PCDHGB2: variants seen among roughly 807,000 people sequenced by gnomAD.
PCDHGB2 encodes protocadherin gamma subfamily B, 2.
A neutral mutation model predicts 59.3 loss-of-function variants in PCDHGB2; 55 were observed. The ratio of observed to expected loss-of-function variants is 0.93; its 90% CI spans 0.75 to 1.16. The LOEUF (loss-of-function observed/expected upper bound fraction) is 1.16. Among genes scored for constraint, PCDHGB2 ranks in the 50% most tolerant of loss-of-function variants. PCDHGB2 has a pLI of 0.00. For synonymous variants in PCDHGB2, 516 were observed against 512.0 expected, an observed-to-expected ratio of 1.01 and a Z score of -0.11; for missense variants, 1,228 against 1,198.5, an observed-to-expected ratio of 1.02 and a Z score of -0.36.
intron 1 of PCDHGB2, among the ~76,000 whole-genome samples, chr5:141,452,713 T>TGAGG (rs2098747318): frequency 6.7e-6 from 1 of 148,530 alleles, no homozygotes; most frequent in Non-Finnish European, 1.5e-5. Flanking sequence ...AAGGAAGGAA[T>TGAGG]GAGGGAGGGA....
intron 1 of PCDHGB2, chr5:141,389,665 C>A (rs1258802999): frequency 6.2e-7 from 1 of 1,612,414 alleles, no homozygotes; most frequent in East Asian, 2.2e-5. Context: ...GCGGTGGACG[C>A]AGACTCAGGA....
At chr5:141,499,880 G>A (rs1177287013) in intron 2 of PCDHGB2, among the ~76,000 whole-genome samples, 1 of 151,886 alleles carries the variant, frequency 6.6e-6, no homozygotes, top group African/African-American at 2.4e-5. Flanking sequence ...TACAAACAGG[G>A]TTTCGCCATG....
chr5:141,409,844 C>G (rs1380163040), intron 1 of PCDHGB2: 3 of 1,611,858 alleles, frequency 1.9e-6, no homozygotes, highest in East Asian at 4.5e-5. Flanking sequence ...CAACGTGAGC[C>G]TGCGCGTGTT....
chr5:141,387,735 T>C lies in PCDHGB2; in HGVS notation c.2421+25179T>C, dbSNP rs966437790. The C allele has an allele frequency of 1.2e-5, 16 of 1,308,452 alleles. No individual in the cohort carries two copies. In the East Asian group the frequency reaches 1.3e-4, roughly 10 times the overall value. 81.1% of individuals were successfully genotyped at this position (1,308,452 alleles called of 1,614,324 possible). ...GCTCAGACTCCCCAGCGCCAGCCTTTACACCGCTTCCTCCTCGGAAAAAGA... is the reference window on the plus strand; with the variant it reads ...GCTCAGACTCCCCAGCGCCAGCCTTCACACCGCTTCCTCCTCGGAAAAAGA... On this transcript the variant is annotated intron_variant, in intron 1 of 3. Transcript: ENST00000522605.
At chr5:141,408,967 G>GC in intron 1 of PCDHGB2, 2 of 1,613,782 alleles carry the variant, frequency 1.2e-6, no homozygotes, top group Non-Finnish European at 1.7e-6. Context: ...GTGAAAATCT[G>GC]CCCCCTGGGT....
intron 1 of PCDHGB2, chr5:141,398,251 C>G (rs753114593): frequency 6.8e-7 from 1 of 1,464,006 alleles, no homozygotes; most frequent in East Asian, 2.5e-5. Flanking sequence ...CGAGGAAATG[C>G]CCAAGGGCTC....
chr5:141,497,693 C>T (rs2099778709), intron 2 of PCDHGB2, among the ~76,000 whole-genome samples: 2 of 152,136 alleles, frequency 1.3e-5, no homozygotes, highest in Admixed American at 6.5e-5. Context: ...GTGTGCACCA[C>T]CACACCCAGC....
chr5:141,419,419 C>A (rs767018815), intron 1 of PCDHGB2: 1 of 1,613,384 alleles, frequency 6.2e-7, no homozygotes. Context: ...AGCGCGCCTT[C>A]GACCACGAGC....
At chr5:141,370,775 C>T (rs1767193256) in intron 1 of PCDHGB2, 2 of 1,613,848 alleles carry the variant, frequency 1.2e-6, no homozygotes, top group South Asian at 1.1e-5. Flanking sequence ...AGGATATTAA[C>T]GACAACCCAC....
chr5:141,370,997 C>T, intron 1 of PCDHGB2: 5 of 1,613,984 alleles, frequency 3.1e-6, no homozygotes, highest in Non-Finnish European at 4.2e-6. Context: ...CACCCCTGGA[C>T]AGGGAAGAGC....
At position 141,511,124 on chromosome 5, in the gene PCDHGB2, C is replaced by A. The variant is rs752246201; in HGVS notation, c.2747C>A (p.Ala916Glu). The A allele has an allele frequency of 6.2e-7, 1 of 1,614,206 alleles. No homozygotes were observed. The highest frequency in any genetic ancestry group is 8.5e-7 in the Non-Finnish European group (1 of 1,180,022). ...AAGKRDGKAP[A>E]GGNGNKKKSG... The stretch of plus-strand genomic sequence containing the variant: ...GGCAAGCGGGATGGCAAGGCCCCAG[C>A]AGGTGGCAATGGCAACAAGAAGAAG... Residue 916 changes from alanine (A) to glutamate (E), a missense_variant, in exon 4 of 4, where the codon GCA becomes GAA. Coordinates refer to ENST00000522605, the MANE Select transcript of PCDHGB2 (RefSeq NM_018923.3).
rs1283688342 is a variant in PCDHGB2, at chr5:141,437,688, T to G, written c.2422-57119T>G. On this transcript the variant is annotated intron_variant, in intron 1 of 3. Transcript: ENST00000522605. ...GAGATGTTGATCAAACTGATGAGGCTAAATCTCAAGAAAGAGACACAGTTA... is the reference window on the plus strand; with the variant it reads ...GAGATGTTGATCAAACTGATGAGGCGAAATCTCAAGAAAGAGACACAGTTA... Among the ~76,000 whole-genome samples the G allele has an allele frequency of 4.0e-5, 6 of 151,890 alleles. 1 individual carries two copies. The East Asian group carries it at 1.2e-3, about 29-fold the overall frequency.
intron 1 of PCDHGB2, among the ~76,000 whole-genome samples, chr5:141,443,812 G>A (rs1441798548): frequency 6.6e-6 from 1 of 151,990 alleles, no homozygotes; most frequent in Admixed American, 6.6e-5. Flanking sequence ...AGTTACCTTT[G>A]GAAAACATAA....
chr5:141,375,059 G>C, intron 1 of PCDHGB2: 1 of 1,614,038 alleles, frequency 6.2e-7, no homozygotes, highest in Non-Finnish European at 8.5e-7. Flanking sequence ...GGATGGGCCA[G>C]GTCTTCGAGA....
Position 141,418,036 on chromosome 5 carries a change from G to C in PCDHGB2, c.2421+55480G>C, listed in dbSNP as rs933500300. ...CTAAGGATCTAGGGCTTAGTGTCCT[G>C]GATGTGTCGGCTCGCGAGCTGCGAG... On this transcript the variant is annotated intron_variant, in intron 1 of 3. Coordinates refer to ENST00000522605, the MANE Select transcript of PCDHGB2 (RefSeq NM_018923.3). 3.7e-6 allele frequency: 6 copies of C among 1,613,902 alleles called. No individual in the cohort carries two copies. The African/African-American group carries it at 8.0e-5, about 22-fold the overall frequency.
intron 1 of PCDHGB2, chr5:141,378,655 G>A (rs963845635): frequency 2.6e-5 from 4 of 152,084 alleles, no homozygotes; most frequent in Admixed American, 6.5e-5. Context: ...ATGTTAATGA[G>A]GTTCAAATAA....
At chr5:141,405,339 A>G in intron 1 of PCDHGB2, 1 of 1,614,178 alleles carries the variant, frequency 6.2e-7, no homozygotes, top group Non-Finnish European at 8.5e-7. Context: ...GTCTCTGTTG[A>G]TTCCAAGTTT....
chr5:141,394,644 G>A, intron 1 of PCDHGB2: 2 of 1,613,358 alleles, frequency 1.2e-6, no homozygotes, highest in Non-Finnish European at 1.7e-6. Flanking sequence ...CCTGCTCAAG[G>A]CCAGCGAGCC....
At chr5:141,428,141 G>A (rs1314061143) in intron 1 of PCDHGB2, 1 of 1,596,618 alleles carries the variant, frequency 6.3e-7, no homozygotes, top group Non-Finnish European at 8.6e-7. Context: ...GCCTGGGGCT[G>A]CACACGGGAA....
Sources: gnomAD v4.1 joint callset for allele counts (sites outside exome capture counted in the v4.1 genomes callset) on GRCh38, gnomAD v4.1.1 for gene constraint, MANE v1.5 for transcripts, NCBI Gene and HGNC (gene_info 2026-07-23, HGNC 2026-07-21) for gene names.